ARHGAP17: variants seen among roughly 807,000 people sequenced by gnomAD.
The protein encoded by ARHGAP17 is Rho GTPase activating protein 17, also known as rho GTPase-activating protein 17.
In ARHGAP17, 57 loss-of-function variants were observed where a neutral mutation model predicts 99.5. That is an observed-to-expected ratio of 0.57 (90% CI 0.46 to 0.71). ARHGAP17 has a LOEUF of 0.71. ARHGAP17 is among the 30% of genes least tolerant of loss of function. The probability of loss-of-function intolerance (pLI) is 0.00; values close to 1 mark genes in which losing one functional copy is unlikely to be tolerated. For synonymous variants in ARHGAP17, 417 were observed against 429.6 expected, an observed-to-expected ratio of 0.97 and a Z score of 0.36; for missense variants, 1,000 against 1,122.4, an observed-to-expected ratio of 0.89 and a Z score of 1.56.
At chr16:24,924,883 A>T (rs1427943365) in intron 19 of ARHGAP17, among the ~76,000 whole-genome samples, 1 of 152,030 alleles carries the variant, frequency 6.6e-6, no homozygotes, top group Non-Finnish European at 1.5e-5. Context: ...AAAAATAAAA[A>T]AAAAAGCAGG....
chr16:25,010,606 T>G (rs1392915003), intron 1 of ARHGAP17, among the ~76,000 whole-genome samples: 1 of 152,222 alleles, frequency 6.6e-6, no homozygotes, highest in Non-Finnish European at 1.5e-5. Flanking sequence ...AAAGAGGGAC[T>G]GTCAATTTCT....
In ARHGAP17 at chr16:24,939,416, C is replaced by T; in HGVS notation, c.1672G>A (p.Val558Ile). Residue 558 changes from valine to isoleucine, a missense_variant, in exon 17 of 20, where the codon GTC becomes ATC. By Grantham distance (29) the Val-to-Ile change is conservative. Transcript: ENST00000289968. ...RAESSSGGGT[V>I]PSSAGILEQG... ...TCCAGTATGCCCGCGGAAGAGGGGACAGTCCCACCCCCAGAGCTGCTTTCA... is the reference window on the plus strand; with the variant it reads ...TCCAGTATGCCCGCGGAAGAGGGGATAGTCCCACCCCCAGAGCTGCTTTCA... The T allele has an allele frequency of 6.2e-7, 1 of 1,611,452 alleles. No individual in the cohort carries two copies.
chr16:24,973,917 C>T (rs547611547), intron 3 of ARHGAP17, among the ~76,000 whole-genome samples: 1 of 152,274 alleles, frequency 6.6e-6, no homozygotes, highest in African/African-American at 2.4e-5. Flanking sequence ...TATTTGGGGA[C>T]TGGTGAGTGT....
intron 1 of ARHGAP17, 73 bp from the exon 2 acceptor site, chr16:24,979,078 T>A: frequency 9.1e-7 from 1 of 1,098,790 alleles, no homozygotes; most frequent in Non-Finnish European, 1.3e-6. Context: ...TAATAATTAT[T>A]AGCCTGGAGT....
chr16:24,973,985 G>A (rs1377813380), intron 3 of ARHGAP17, among the ~76,000 whole-genome samples: 17 of 152,220 alleles, frequency 1.1e-4, no homozygotes, highest in Admixed American at 1.1e-3. Flanking sequence ...AGCTGATAAG[G>A]AGAAATGGAA....
In ARHGAP17 at chr16:24,930,910, G is replaced by A; in HGVS notation, c.2389C>T (p.Pro797Ser). 6.2e-7 allele frequency: 1 copy of A among 1,614,000 alleles called. No homozygotes were observed. The highest frequency in any genetic ancestry group is 8.5e-7 in the Non-Finnish European group (1 of 1,179,996). ...TTCCTTGGCTTTGGTACTGGTCTCGGTCTCGGTAAGGTTCCAGCATGTGGC... is the reference window on the plus strand; with the variant it reads ...TTCCTTGGCTTTGGTACTGGTCTCGATCTCGGTAAGGTTCCAGCATGTGGC... ...AQPHAGTLPR[P>S]RPVPKPRNRP... Residue 797 changes from proline (P) to serine (S), a missense_variant, in exon 19 of 20, where the codon CCG becomes TCG. Coordinates refer to ENST00000289968, the MANE Select transcript of ARHGAP17 (RefSeq NM_001006634.3).
intron 6 of ARHGAP17, 122 bp from the exon 7 acceptor site, chr16:24,964,430 GC>G: frequency 1.5e-6 from 1 of 678,764 alleles, no homozygotes; most frequent in Non-Finnish European, 2.6e-6. Context: ...GGGTATCATT[GC>G]CCAGGATGCC....
chr16:24,965,772 T>G (rs1427203642), intron 6 of ARHGAP17, among the ~76,000 whole-genome samples: 1 of 152,212 alleles, frequency 6.6e-6, no homozygotes, highest in African/African-American at 2.4e-5. Flanking sequence ...TCTACAAAAC[T>G]ATCACAAACA....
At chr16:24,996,032 T>C (rs1024058646) in intron 1 of ARHGAP17, among the ~76,000 whole-genome samples, 2 of 152,140 alleles carry the variant, frequency 1.3e-5, no homozygotes, top group African/African-American at 4.8e-5. Flanking sequence ...TCTTCATAAG[T>C]ACACCAGGGA....
intron 1 of ARHGAP17, among the ~76,000 whole-genome samples, chr16:24,984,833 T>C (rs1454697516): frequency 6.6e-6 from 1 of 151,934 alleles, no homozygotes; most frequent in Non-Finnish European, 1.5e-5. Context: ...AATTGAAATG[T>C]GATATTACCT....
chr16:24,928,739 T>G (rs989025042), intron 19 of ARHGAP17, among the ~76,000 whole-genome samples: 3 of 152,168 alleles, frequency 2.0e-5, no homozygotes, highest in African/African-American at 2.4e-5. Flanking sequence ...TTAAAGCAGC[T>G]GTACATATGA....
At chr16:24,943,262 T>C (rs2051368137) in intron 15 of ARHGAP17, among the ~76,000 whole-genome samples, 1 of 152,216 alleles carries the variant, frequency 6.6e-6, no homozygotes, top group African/African-American at 2.4e-5. Context: ...CTTTCCTGCT[T>C]TATCTCCTAT....
intron 7 of ARHGAP17, among the ~76,000 whole-genome samples, chr16:24,961,765 C>T (rs1361246041): frequency 6.6e-6 from 1 of 150,698 alleles, no homozygotes; most frequent in Non-Finnish European, 1.5e-5. Context: ...AACTCCTGAC[C>T]TCAAGTGATC....
At chr16:24,928,332 T>C (rs2050893964) in intron 19 of ARHGAP17, among the ~76,000 whole-genome samples, 1 of 152,220 alleles carries the variant, frequency 6.6e-6, no homozygotes, top group Admixed American at 6.5e-5. Context: ...GGAGAATTCA[T>C]AGCATAGACC....
intron 4 of ARHGAP17, among the ~76,000 whole-genome samples, chr16:24,970,287 G>A (rs2052323180): frequency 6.6e-6 from 1 of 152,164 alleles, no homozygotes; most frequent in Non-Finnish European, 1.5e-5. Flanking sequence ...GGCCCTTTCT[G>A]CCATCCAACT....
intron 1 of ARHGAP17, among the ~76,000 whole-genome samples, 186 bp downstream of exon 1, chr16:25,015,023 G>T (rs2053746328): frequency 6.6e-6 from 1 of 151,432 alleles, no homozygotes. Flanking sequence ...AGACAGGCGG[G>T]CCGCCTGGAG....
chr16:24,963,302 A>G (rs548898840), intron 7 of ARHGAP17, among the ~76,000 whole-genome samples: 13 of 152,118 alleles, frequency 8.5e-5, no homozygotes, highest in Non-Finnish European at 1.5e-4. Context: ...TACCCACTAT[A>G]TTATTTTTAT....
chr16:24,936,326 T>G (rs1368436609), intron 17 of ARHGAP17: 1 of 155,084 alleles, frequency 6.4e-6, no homozygotes, highest in East Asian at 1.9e-4. Flanking sequence ...TATACCAAAC[T>G]CTGTAGCTCC....
intron 1 of ARHGAP17, among the ~76,000 whole-genome samples, chr16:24,984,100 C>A (rs74013609): frequency 0.091 from 13,787 of 152,242 alleles, 703 homozygotes; most frequent in Middle Eastern, 0.2. Context: ...AGGTGAGAGT[C>A]AAAGGAAAAT....
Sources: gnomAD v4.1 joint callset for allele counts (sites outside exome capture counted in the v4.1 genomes callset) on GRCh38, gnomAD v4.1.1 for gene constraint, MANE v1.5 for transcripts, NCBI Gene and HGNC (gene_info 2026-07-23, HGNC 2026-07-21) for gene names.